The following TLL1 variants were observed in gnomAD, a reference collection of about 807,000 sequenced individuals.
TLL1 encodes the protein tolloid like 1, also known as tolloid-like protein 1.
TLL1 carries 49 observed loss-of-function variants against 128.2 expected under a neutral mutation model. That is an observed-to-expected ratio of 0.38 (90% CI 0.30 to 0.48). The LOEUF is 0.48. Among genes scored for constraint, TLL1 ranks in the 20% least tolerant of loss-of-function variants. The pLI is 0.96. For synonymous variants in TLL1, 454 were observed against 418.8 expected (o/e 1.08, Z -1.03); for missense variants, 1,123 against 1,242.0 (o/e 0.90, Z 1.44).
chr4:166,057,137 A>G (rs1740051284), intron 13 of TLL1, 47 bp from the exon 14 acceptor site: 1 of 1,608,962 alleles, frequency 6.2e-7, no homozygotes, highest in African/African-American at 1.3e-5. Context: ...ACATACATAC[A>G]CACATATATA....
intron 18 of TLL1, among the ~76,000 whole-genome samples, chr4:166,083,807 A>C (rs951391346): frequency 6.6e-6 from 1 of 152,166 alleles, no homozygotes; most frequent in Non-Finnish European, 1.5e-5. Context: ...ACTTAGGTTC[A>C]TTCCGTATCT....
At chr4:166,068,280 TAAG>T (rs950575104) in intron 16 of TLL1, among the ~76,000 whole-genome samples, 3 of 151,884 alleles carry the variant, frequency 2.0e-5, no homozygotes, top group African/African-American at 7.2e-5. Flanking sequence ...TGGCAGAAAA[TAAG>T]AATTTAGGTG....
intron 16 of TLL1, among the ~76,000 whole-genome samples, chr4:166,066,502 A>T (rs1740581752): frequency 6.6e-6 from 1 of 151,810 alleles, no homozygotes; most frequent in African/African-American, 2.4e-5. Context: ...AAACTTCCAA[A>T]GTAGATAAAA....
chr4:166,100,912 A>G lies in TLL1; in HGVS notation c.*36A>G, dbSNP rs1344363818. 1 of 1,610,022 alleles carries G rather than the reference A, an allele frequency of 6.2e-7. No homozygotes were observed. Among genetic ancestry groups the G allele is most frequent in the Non-Finnish European group, 8.5e-7 (1 of 1,177,752 alleles). ...TCTGTCAGAACACAAAGGAATGTGC[A>G]TAATGGAGAGAAGACATATTTTTTT... is the stretch of plus-strand genomic sequence containing the variant. On this transcript the variant is annotated 3_prime_UTR_variant, in exon 21 of 21. Coordinates refer to ENST00000061240, the MANE Select transcript of TLL1 (RefSeq NM_012464.5).
chr4:166,077,240 A>AC (rs1408475672), intron 17 of TLL1, among the ~76,000 whole-genome samples: 1 of 152,078 alleles, frequency 6.6e-6, no homozygotes, highest in Non-Finnish European at 1.5e-5. Flanking sequence ...AAAAAAAAAA[A>AC]AAACCCTTAA....
rs568698741 is a variant in TLL1 at position 165,889,207 on chromosome 4, T to G, written c.169+15134T>G. On this transcript the variant is annotated intron_variant, in intron 1 of 20. Coordinates refer to ENST00000061240, the MANE Select transcript of TLL1 (RefSeq NM_012464.5). Reference sequence around the variant, plus strand: ...AGGGAACTTTGTTACAGAACTTAGATGTTATGATGATTAAATGGCTTTATT... The same window carrying G: ...AGGGAACTTTGTTACAGAACTTAGAGGTTATGATGATTAAATGGCTTTATT... Among the ~76,000 whole-genome samples, 8 of 152,336 alleles carry G rather than the reference T, an allele frequency of 5.3e-5. No homozygotes were observed. The South Asian group carries it at 1.7e-3, about 32-fold the overall frequency.
In TLL1 at chr4:166,025,419, C is replaced by T. The variant is rs1236301570; in HGVS notation, c.1146C>T (p.Thr382=). 1.2e-6 allele frequency: 2 copies of T among 1,610,254 alleles called. No homozygotes were observed. The highest frequency in any genetic ancestry group is 1.7e-5 in the Admixed American group (1 of 59,962). The change falls in exon 9 of 21, where the codon ACC becomes ACT. Residue 382 remains threonine, a synonymous_variant. Transcript: ENST00000061240. ...YTHCIWRVSV[T]PGEKIVLNFT... ...ACTGCATCTGGAGAGTTTCTGTGAC[C>T]CCAGGGGAGAAGGTAGTTTATACCG...
At chr4:166,070,579 A>G (rs1369038082) in intron 16 of TLL1, among the ~76,000 whole-genome samples, 2 of 152,030 alleles carry the variant, frequency 1.3e-5, no homozygotes, top group Non-Finnish European at 2.9e-5. Flanking sequence ...TGATCTAACT[A>G]TTGCTGATAA....
At chr4:166,066,412 C>T (rs1277683306) in intron 16 of TLL1, among the ~76,000 whole-genome samples, 1 of 151,582 alleles carries the variant, frequency 6.6e-6, no homozygotes, top group Non-Finnish European at 1.5e-5. Flanking sequence ...TAAAACTCCC[C>T]AGATTTTATG....
chr4:165,955,455 T>C (rs1477180842), intron 1 of TLL1, among the ~76,000 whole-genome samples: 1 of 151,924 alleles, frequency 6.6e-6, no homozygotes. Flanking sequence ...CTGGGAGATA[T>C]TGCATAAAAT....
At position 166,058,695 on chromosome 4, in the gene TLL1, G is replaced by C. The variant is rs894263701; in HGVS notation, c.1847-1333G>C. 2.0e-4 allele frequency among the ~76,000 whole-genome samples: 31 copies of C among 151,890 alleles called. 1 individual carries two copies. The highest frequency in any genetic ancestry group is 1.8e-3 in the Admixed American group (28 of 15,240). ...CCTTTATTCCTCTTTTAAAATTTCT[G>C]CAAAATTCATCTTCATAGAATGTGT... On this transcript the variant is annotated intron_variant, in intron 14 of 20. Transcript: ENST00000061240.
At chr4:165,953,085 G>T (rs1378295311) in intron 1 of TLL1, among the ~76,000 whole-genome samples, 1 of 152,130 alleles carries the variant, frequency 6.6e-6, no homozygotes, top group African/African-American at 2.4e-5. Context: ...GATGTTAAAA[G>T]CAGTTGTTGT....
At chr4:166,059,581 A>G (rs142125880) in intron 14 of TLL1, among the ~76,000 whole-genome samples, 2 of 152,186 alleles carry the variant, frequency 1.3e-5, no homozygotes, top group African/African-American at 4.8e-5. Flanking sequence ...GTTTTATTAC[A>G]TCATCCTAAA....
chr4:165,874,472 C>T (rs1730636089), intron 1 of TLL1, among the ~76,000 whole-genome samples: 1 of 152,174 alleles, frequency 6.6e-6, no homozygotes, highest in Admixed American at 6.5e-5. Context: ...CCCCAGGGCG[C>T]GGTTTCCCAG....
intron 2 of TLL1, among the ~76,000 whole-genome samples, chr4:165,991,309 G>A (rs1736626602): frequency 6.6e-6 from 1 of 151,922 alleles, no homozygotes; most frequent in African/African-American, 2.4e-5. Context: ...TTTTTCTGTG[G>A]AAGGTACATG....
intron 12 of TLL1, among the ~76,000 whole-genome samples, chr4:166,050,941 A>G (rs1036655895): frequency 6.6e-6 from 1 of 152,084 alleles, no homozygotes; most frequent in Non-Finnish European, 1.5e-5. Flanking sequence ...TTCTTTGTGT[A>G]TTTGGCTCTA....
intron 1 of TLL1, among the ~76,000 whole-genome samples, chr4:165,980,999 C>T (rs1736124159): frequency 6.6e-6 from 1 of 152,062 alleles, no homozygotes; most frequent in Non-Finnish European, 1.5e-5. Flanking sequence ...ATTAAAGTGA[C>T]TTAGTATAAA....
At chr4:165,995,573 G>A (rs889678721) in intron 5 of TLL1, among the ~76,000 whole-genome samples, 9 of 152,074 alleles carry the variant, frequency 5.9e-5, no homozygotes, top group African/African-American at 1.7e-4. Flanking sequence ...GTTCATTCAC[G>A]TATTTATCAT....
intron 1 of TLL1, among the ~76,000 whole-genome samples, chr4:165,941,983 T>C (rs1454720123): frequency 6.6e-6 from 1 of 151,988 alleles, no homozygotes; most frequent in Non-Finnish European, 1.5e-5. Context: ...GTGTTTTAAG[T>C]TTTGGATATT....
Sources: gnomAD v4.1 joint callset for allele counts (sites outside exome capture counted in the v4.1 genomes callset) on GRCh38, gnomAD v4.1.1 for gene constraint, MANE v1.5 for transcripts, NCBI Gene and HGNC (gene_info 2026-07-23, HGNC 2026-07-21) for gene names.